Variants in DLG2 observed in about 807,000 individuals in gnomAD.
DLG2 encodes the protein discs large MAGUK scaffold protein 2, also known as disks large homolog 2.
A neutral mutation model predicts 132.5 loss-of-function variants in DLG2; 45 were observed. The ratio of observed to expected loss-of-function variants is 0.34; its 90% CI spans 0.27 to 0.44. DLG2 has a LOEUF of 0.44. Ranked by LOEUF, DLG2 falls within the 20% of genes least tolerant of loss-of-function variation. The pLI is 1.00. For synonymous variants in DLG2, 424 were observed against 419.6 expected, an observed-to-expected ratio of 1.01 and a Z score of -0.13; for missense variants, 1,045 against 1,196.9, an observed-to-expected ratio of 0.87 and a Z score of 1.87.
chr11:85,546,746 T>C (rs759365134), intron 3 of DLG2, among the ~76,000 whole-genome samples: 78 of 132,648 alleles, frequency 5.9e-4, no homozygotes, highest in South Asian at 1.9e-3. Flanking sequence ...CATTATGTAA[T>C]GGCCTTCTTT....
intron 18 of DLG2, among the ~76,000 whole-genome samples, chr11:83,664,107 A>G (rs868138352): frequency 6.6e-6 from 1 of 152,188 alleles, no homozygotes; most frequent in East Asian, 1.9e-4. Context: ...GTAGACAGAA[A>G]GCATCTAGTT....
chr11:83,500,073 T>TA (rs2094390509), intron 21 of DLG2, among the ~76,000 whole-genome samples: 2 of 151,434 alleles, frequency 1.3e-5, no homozygotes, highest in Non-Finnish European at 2.9e-5. Flanking sequence ...CTCCCCTCCA[T>TA]AGCAGAACTT....
At chr11:83,839,257 A>C (rs1430457719) in intron 16 of DLG2, among the ~76,000 whole-genome samples, 1 of 152,208 alleles carries the variant, frequency 6.6e-6, no homozygotes, top group Non-Finnish European at 1.5e-5. Flanking sequence ...CCTTTTTTAA[A>C]AACAGAATTT....
intron 18 of DLG2, among the ~76,000 whole-genome samples, chr11:83,731,150 G>C (rs1309528246): frequency 6.6e-6 from 1 of 152,092 alleles, no homozygotes; most frequent in Non-Finnish European, 1.5e-5. Flanking sequence ...TGTAAGTTCA[G>C]AGAAACAAGT....
At chr11:84,394,250 T>C (rs1304173307) in intron 7 of DLG2, among the ~76,000 whole-genome samples, 1 of 152,172 alleles carries the variant, frequency 6.6e-6, no homozygotes, top group Non-Finnish European at 1.5e-5. Flanking sequence ...TTCAGATACA[T>C]GGCACTCTAG....
intron 3 of DLG2, among the ~76,000 whole-genome samples, chr11:85,397,429 T>C (rs892364402): frequency 6.6e-6 from 1 of 152,190 alleles, no homozygotes; most frequent in African/African-American, 2.4e-5. Context: ...AACATAATAA[T>C]ATTAACCTTA....
chr11:85,341,243 C>T (rs571202445), intron 3 of DLG2, among the ~76,000 whole-genome samples: 14 of 152,196 alleles, frequency 9.2e-5, no homozygotes, highest in Non-Finnish European at 1.6e-4. Flanking sequence ...CTCAGCCTCC[C>T]GAGTAGCTGG....
rs1298915288 is a variant in DLG2 at position 83,600,433 on chromosome 11, T to TA, written c.1940+32777dup. On this transcript the variant is annotated intron_variant, in intron 19 of 27. Coordinates refer to ENST00000376104, the MANE Select transcript of DLG2 (RefSeq NM_001142699.3). ...ACAACTTAAAGTCCATTCCTGAATA[T>TA]AAAAAATTGAATCACAAAATTTGGC... Among the ~76,000 whole-genome samples, 6 of 152,324 alleles carry TA rather than the reference T, an allele frequency of 3.9e-5. No individual in the cohort carries two copies. The East Asian group carries it at 1.2e-3, about 29-fold the overall frequency.
intron 7 of DLG2, among the ~76,000 whole-genome samples, chr11:84,252,110 T>C (rs2097387178): frequency 6.6e-6 from 1 of 151,266 alleles, no homozygotes; most frequent in Non-Finnish European, 1.5e-5. Context: ...TTACACATTA[T>C]GCGTGCTGTA....
intron 3 of DLG2, among the ~76,000 whole-genome samples, chr11:85,494,840 A>G (rs2093635957): frequency 6.6e-6 from 1 of 151,722 alleles, no homozygotes; most frequent in Non-Finnish European, 1.5e-5. Flanking sequence ...ATTGTAGAAT[A>G]TTTTTTTAAA....
intron 6 of DLG2, among the ~76,000 whole-genome samples, chr11:84,805,448 C>T (rs989221223): frequency 6.6e-6 from 1 of 152,178 alleles, no homozygotes; most frequent in Non-Finnish European, 1.5e-5. Context: ...CCACCCAAAT[C>T]TCATGTTCAA....
chr11:85,520,069 T>C (rs929689527), intron 3 of DLG2, among the ~76,000 whole-genome samples: 1 of 151,790 alleles, frequency 6.6e-6, no homozygotes. Flanking sequence ...TTGGTGGAGA[T>C]GGGGCCTCTT....
chr11:85,396,621 C>T (rs564496378), intron 3 of DLG2, among the ~76,000 whole-genome samples: 5 of 152,206 alleles, frequency 3.3e-5, no homozygotes, highest in East Asian at 3.9e-4. Context: ...ACGAGCACTT[C>T]GCGATGCATG....
chr11:85,340,923 AGTGAACTTTTGTGTATGAT>A (rs1383586326), intron 3 of DLG2, among the ~76,000 whole-genome samples: 1 of 152,190 alleles, frequency 6.6e-6, no homozygotes, highest in Non-Finnish European at 1.5e-5. Flanking sequence ...ATTAATTTGG[AGTGAACTTTTGTGTATGAT>A]GTGAGATATG....
intron 4 of DLG2, among the ~76,000 whole-genome samples, chr11:85,259,469 G>A (rs971432890): frequency 2.0e-4 from 31 of 152,010 alleles, no homozygotes; most frequent in Admixed American, 2.0e-3. Flanking sequence ...AATATACTGT[G>A]TTGCCTTACT....
At chr11:84,551,964 G>A (rs377003128) in intron 6 of DLG2, among the ~76,000 whole-genome samples, 58 of 152,230 alleles carry the variant, frequency 3.8e-4, no homozygotes, top group Middle Eastern at 3.4e-3. Flanking sequence ...CTTCCAGAGT[G>A]GGGTCCATCT....
chr11:84,662,337 C>T (rs577338384), intron 6 of DLG2, among the ~76,000 whole-genome samples: 70 of 151,776 alleles, frequency 4.6e-4, no homozygotes, highest in Non-Finnish European at 8.2e-4. Flanking sequence ...CCACCATGCC[C>T]AGCTAATGTT....
At chr11:85,506,308 A>AATTTTGAC (rs2093931873) in intron 3 of DLG2, among the ~76,000 whole-genome samples, 1 of 148,138 alleles carries the variant, frequency 6.8e-6, no homozygotes, top group East Asian at 2.0e-4. Flanking sequence ...TTGTGGTGTT[A>AATTTTGAC]GGGTTTCAAT....
At chr11:83,751,364 A>G (rs2093297125) in intron 18 of DLG2, among the ~76,000 whole-genome samples, 2 of 152,188 alleles carry the variant, frequency 1.3e-5, no homozygotes, top group Admixed American at 1.3e-4. Context: ...ATAGGAGCTT[A>G]GAGGTCAATA....
Sources: allele counts gnomAD v4.1 joint callset (sites outside exome capture counted in the v4.1 genomes callset), GRCh38; gene constraint gnomAD v4.1.1; transcripts MANE v1.5; gene names NCBI Gene and HGNC (gene_info 2026-07-23, HGNC 2026-07-21).